The following ACAD11 variants were observed in gnomAD, a reference collection of about 807,000 sequenced individuals.
ACAD11 encodes the protein acyl-Coenzyme A dehydrogenase family, member 11.
Under a neutral mutation model 102.2 loss-of-function variants are expected in ACAD11, and 83 were observed. The ratio of observed to expected loss-of-function variants is 0.81; its 90% CI spans 0.68 to 0.97. The LOEUF (loss-of-function observed/expected upper bound fraction) is 0.97. Among genes scored for constraint, ACAD11 ranks in the 50% least tolerant of loss-of-function variants. ACAD11 has a pLI of 0.00. For missense variants in ACAD11, 901 were observed against 951.7 expected, an observed-to-expected ratio of 0.95 and a Z score of 0.70; for synonymous variants, 324 against 319.8, an observed-to-expected ratio of 1.01 and a Z score of -0.14.
intron 1 of ACAD11, 63 bp from the exon 2 acceptor site, chr3:132,644,959 C>T: frequency 2.0e-6 from 2 of 977,884 alleles, no homozygotes; most frequent in Non-Finnish European, 3.1e-6. Flanking sequence ...ATCCCCAAAT[C>T]CTACTGAAAT....
chr3:132,629,745 A>T (rs1939961177), intron 7 of ACAD11, among the ~76,000 whole-genome samples: 1 of 152,112 alleles, frequency 6.6e-6, no homozygotes, highest in South Asian at 2.1e-4. Context: ...TTTCACTTCT[A>T]AACTTATTTA....
chr3:132,561,235 G>C lies in ACAD11; in HGVS notation c.2002-18C>G. The C allele has an allele frequency of 6.3e-7, 1 of 1,598,468 alleles. No homozygotes were observed. The highest frequency in any genetic ancestry group is 1.7e-4 in the Middle Eastern group (1 of 6,040). ...ACAACCTCCTATAGGGGAGGAAAAG[G>C]CAGCAAAAGAAGGAGGAGCTAAGCT... On this transcript the variant is annotated intron_variant, in intron 17 of 19. Coordinates refer to ENST00000264990, the MANE Select transcript of ACAD11 (RefSeq NM_032169.5).
chr3:132,605,899 T>C (rs571425109), intron 11 of ACAD11, among the ~76,000 whole-genome samples: 1 of 152,254 alleles, frequency 6.6e-6, no homozygotes, highest in East Asian at 1.9e-4. Context: ...AAAGACAGAA[T>C]CCCTGCCCTG....
At chr3:132,582,976 A>G (rs1376059642) in intron 13 of ACAD11, among the ~76,000 whole-genome samples, 1 of 152,188 alleles carries the variant, frequency 6.6e-6, no homozygotes, top group Non-Finnish European at 1.5e-5. Context: ...CATGCATTAC[A>G]TCGATGTTCA....
chr3:132,637,172 G>A lies in ACAD11; in HGVS notation c.702+2320C>T, dbSNP rs1208690477. On this transcript the variant is annotated intron_variant, in intron 5 of 19. Coordinates refer to ENST00000264990, the MANE Select transcript of ACAD11 (RefSeq NM_032169.5). ...ATGGACATCCCCTGTAGGGTTATTA[G>A]AAAAAATAAAAAGTAAAATAATAAT... Among the ~76,000 whole-genome samples, 3 of 151,900 alleles carry A rather than the reference G, an allele frequency of 2.0e-5. No homozygotes were observed. In the East Asian group the frequency reaches 5.8e-4, roughly 29 times the overall value.
At chr3:132,647,051 T>C (rs943582426) in intron 1 of ACAD11, 5 of 152,234 alleles carry the variant, frequency 3.3e-5, no homozygotes, top group Admixed American at 6.5e-5. Context: ...AACTGACTTG[T>C]ACACTTTAAA....
chr3:132,649,056 C>T (rs748968869), intron 1 of ACAD11, among the ~76,000 whole-genome samples: 185 of 152,356 alleles, frequency 1.2e-3, no homozygotes, highest in Admixed American at 3.9e-3. Context: ...TCACCATTCT[C>T]CAGTCTCGAT....
intron 11 of ACAD11, among the ~76,000 whole-genome samples, chr3:132,614,667 A>C (rs892986107): frequency 3.9e-5 from 6 of 152,218 alleles, no homozygotes; most frequent in Admixed American, 3.3e-4. Flanking sequence ...CTTATGCAAA[A>C]ATTAACTCAA....
chr3:132,634,800 C>T (rs190235946), intron 5 of ACAD11, among the ~76,000 whole-genome samples: 1,613 of 148,998 alleles, frequency 0.011, 24 homozygotes, highest in African/African-American at 0.037. Context: ...CAAACTATCG[C>T]AAGGACAAAA....
Position 132,641,977 on chromosome 3 carries a change from T to G in ACAD11, c.532A>C (p.Arg178=), listed in dbSNP as rs1251019323. The G allele has an allele frequency of 6.2e-7, 1 of 1,602,156 alleles. No individual in the cohort carries two copies. The highest frequency in any genetic ancestry group is 8.5e-7 in the Non-Finnish European group (1 of 1,172,818). Residue 178 remains arginine (R), a synonymous_variant, in exon 4 of 20, where the codon AGA becomes CGA. Transcript: ENST00000264990. ...TATTAATGTGGATGCATTACCTGTC[T>G]TTTGCAGTACCCAGCACCTATACCA... is the stretch of plus-strand genomic sequence containing the variant. The part of the protein sequence containing the change: ...GYGIGAGYCK[R]QVSTWTKQYQ...
chr3:132,613,045 C>T (rs1442433881), intron 11 of ACAD11, among the ~76,000 whole-genome samples: 1 of 151,936 alleles, frequency 6.6e-6, no homozygotes, highest in Non-Finnish European at 1.5e-5. Context: ...ACTATGCAGC[C>T]ATAAAAAATA....
At chr3:132,613,854 G>A (rs1382378746) in intron 11 of ACAD11, among the ~76,000 whole-genome samples, 1 of 151,920 alleles carries the variant, frequency 6.6e-6, no homozygotes, top group East Asian at 1.9e-4. Flanking sequence ...AGCCAAGATT[G>A]CACCACTGCT....
chr3:132,629,467 T>C (rs1236145727), intron 7 of ACAD11, among the ~76,000 whole-genome samples: 3 of 152,212 alleles, frequency 2.0e-5, no homozygotes, highest in Non-Finnish European at 4.4e-5. Context: ...GCCTATGTTG[T>C]ACATTTTAAT....
rs1449885498 is a variant in ACAD11, at chr3:132,641,998, T to C, written c.511A>G (p.Ile171Val). The C allele has an allele frequency of 1.9e-6, 3 of 1,613,758 alleles. No homozygotes were observed. Among genetic ancestry groups the C allele is most frequent in the East Asian group, 2.2e-5 (1 of 44,870 alleles). ...TGTCTTTTGCAGTACCCAGCACCTA[T>C]ACCATATCCTTCCAGCTGCAGTGAC... Reference protein sequence around the residue: ...IQSLQLEGYGIGAGYCKRQVS... With the variant: ...IQSLQLEGYGVGAGYCKRQVS... The change falls in exon 4 of 20, where the codon ATA (isoleucine) becomes GTA (valine). Residue 171 changes from isoleucine (I) to valine (V), a missense_variant. By Grantham distance (29) the Ile-to-Val change is conservative (BLOSUM62 3). Coordinates refer to ENST00000264990, the MANE Select transcript of ACAD11 (RefSeq NM_032169.5).
intron 1 of ACAD11, among the ~76,000 whole-genome samples, chr3:132,658,508 G>A (rs1162934513): frequency 5.9e-5 from 9 of 152,170 alleles, no homozygotes; most frequent in Admixed American, 3.9e-4. Context: ...AGCAGGACTA[G>A]ATGTTCAAAG....
At chr3:132,625,226 T>C (rs115021804) in intron 9 of ACAD11, among the ~76,000 whole-genome samples, 31 of 152,332 alleles carry the variant, frequency 2.0e-4, no homozygotes, top group Non-Finnish European at 2.5e-4. Context: ...TTCTGAGATA[T>C]GGCTTCTATT....
chr3:132,634,279 T>C (rs821574), intron 5 of ACAD11, among the ~76,000 whole-genome samples: 1 of 152,174 alleles, frequency 6.6e-6, no homozygotes, highest in Non-Finnish European at 1.5e-5. Context: ...AGAAGACATT[T>C]ATGCAGCCAA....
At chr3:132,612,155 G>A (rs1243357518) in intron 11 of ACAD11, among the ~76,000 whole-genome samples, 2 of 151,996 alleles carry the variant, frequency 1.3e-5, no homozygotes, top group Non-Finnish European at 2.9e-5. Flanking sequence ...ATGGTGCTGG[G>A]AAAACTGGCT....
intron 13 of ACAD11, among the ~76,000 whole-genome samples, chr3:132,586,997 G>A (rs1207951135): frequency 6.6e-6 from 1 of 152,172 alleles, no homozygotes; most frequent in Non-Finnish European, 1.5e-5. Context: ...GGCAGGCTGA[G>A]GCAGGAGAAT....
Sources: gnomAD v4.1 joint callset for allele counts (sites outside exome capture counted in the v4.1 genomes callset) on GRCh38, gnomAD v4.1.1 for gene constraint, MANE v1.5 for transcripts, NCBI Gene and HGNC (gene_info 2026-07-23, HGNC 2026-07-21) for gene names.